The following IST1 variants were observed in gnomAD, a reference collection of about 807,000 sequenced individuals.
IST1 encodes the protein IST1 factor associated with ESCRT-III, also known as IST1 homolog.
A neutral mutation model predicts 37.0 loss-of-function variants in IST1; 23 were observed. The observed-to-expected ratio is 0.62, with a 90% CI of 0.45 to 0.88. The LOEUF (loss-of-function observed/expected upper bound fraction) is 0.88, where lower values mean the gene tolerates loss of function less well. Among genes scored for constraint, IST1 ranks in the 40% least tolerant of loss-of-function variants. IST1 has a pLI of 0.00. For synonymous variants in IST1, 180 were observed against 161.7 expected (o/e 1.11, Z -0.86); for missense variants, 488 against 445.4 (o/e 1.10, Z -0.86).
chr16:71,901,315 G>A (rs2037103271), intron 1 of IST1, among the ~76,000 whole-genome samples: 1 of 151,948 alleles, frequency 6.6e-6, no homozygotes, highest in Admixed American at 6.6e-5. Context: ...CCGGGTTCAC[G>A]CCATTCTCCT....
intron 2 of IST1, 38 bp downstream of exon 2, chr16:71,915,766 T>C: frequency 7.9e-7 from 1 of 1,259,262 alleles, no homozygotes; most frequent in Non-Finnish European, 1.2e-6. Flanking sequence ...AATAAATCAC[T>C]GGATACTAGC....
At chr16:71,911,333 T>A (rs1180001813) in intron 1 of IST1, among the ~76,000 whole-genome samples, 1 of 140,520 alleles carries the variant, frequency 7.1e-6, no homozygotes, top group African/African-American at 2.7e-5. Context: ...GCTAAAATGT[T>A]TTAGAATGCT....
chr16:71,921,105 G>C (rs910100172), intron 5 of IST1: 1 of 598,170 alleles, frequency 1.7e-6, no homozygotes, highest in Non-Finnish European at 3.0e-6. Context: ...GAATTGAACT[G>C]TGGAAGGCAG....
intron 1 of IST1, chr16:71,903,805 G>C (rs1229819372): frequency 6.6e-6 from 1 of 152,466 alleles, no homozygotes; most frequent in Non-Finnish European, 1.5e-5. Context: ...GTGTCAGTGA[G>C]ATGCCGTCAG....
In IST1 at chr16:71,920,831, C is replaced by G. The variant is rs575901500; in HGVS notation, c.441+9C>G. On this transcript the variant is annotated intron_variant, in intron 5 of 9. Coordinates refer to ENST00000378799, the MANE Select transcript of IST1 (RefSeq NM_001270975.2). ...GAACTGTGAATGACAGGGTAATGAA[C>G]ATACTTGGTAAACATGAAGGCAGTG... 4.4e-6 allele frequency: 7 copies of G among 1,594,746 alleles called. No individual in the cohort carries two copies. In the South Asian group the frequency reaches 5.5e-5, roughly 13 times the overall value.
intron 1 of IST1, among the ~76,000 whole-genome samples, chr16:71,899,222 G>T (rs775271552): frequency 6.6e-6 from 1 of 151,982 alleles, no homozygotes; most frequent in Non-Finnish European, 1.5e-5. Context: ...GACCAGTGAA[G>T]ATTTTATTAT....
chr16:71,926,350 G>GTTT (rs879484620), intron 9 of IST1, among the ~76,000 whole-genome samples: 2 of 142,402 alleles, frequency 1.4e-5, no homozygotes, highest in Non-Finnish European at 1.5e-5. Flanking sequence ...AAAACTCATA[G>GTTT]TTTTTTTTTT....
chr16:71,900,289 T>G (rs981545905), intron 1 of IST1, among the ~76,000 whole-genome samples: 2 of 151,696 alleles, frequency 1.3e-5, no homozygotes, highest in African/African-American at 4.8e-5. Context: ...CTTCGTACTT[T>G]TAGAGCTACA....
chr16:71,916,736 C>T, intron 3 of IST1, 94 bp downstream of exon 3: 2 of 1,048,956 alleles, frequency 1.9e-6, no homozygotes, highest in South Asian at 1.7e-5. Context: ...ATTTCACATG[C>T]CCAAGGATCT....
At chr16:71,895,137 G>C (rs2036935000), upstream of IST1, 2 of 292,620 alleles carry the variant, frequency 6.8e-6, no homozygotes, top group African/African-American at 2.2e-5. Context: ...GCAGATCTTA[G>C]GGAGCAACTC....
chr16:71,927,322 C>T (rs1302347535), intron 9 of IST1, among the ~76,000 whole-genome samples: 1 of 151,992 alleles, frequency 6.6e-6, no homozygotes, highest in Non-Finnish European at 1.5e-5. Flanking sequence ...AACCCTCTCT[C>T]TACTAAAAAT....
upstream of IST1, chr16:71,894,672 C>T: frequency 1.8e-6 from 1 of 568,844 alleles, no homozygotes. Flanking sequence ...ACCACAAGTG[C>T]TCACTGCTGC....
rs775660993 is a variant in IST1 at position 71,920,720 on chromosome 16, C to G, written c.358-19C>G. On this transcript the variant is annotated intron_variant, in intron 4 of 9. Coordinates refer to ENST00000378799, the MANE Select transcript of IST1 (RefSeq NM_001270975.2). The stretch of plus-strand genomic sequence containing the variant: ...TTGGAGTGGTCTCTATTTTTATTTG[C>G]TGTCCTTTTTCTTTTTAGGTTGCTG... The G allele has an allele frequency of 5.0e-6, 8 of 1,593,104 alleles. No homozygotes were observed. The Admixed American group carries it at 1.0e-4, about 20-fold the overall frequency.
At chr16:71,911,710 A>ATTTTTTTTTTTTTTTTTTTTTTTTTT (rs550809762) in intron 1 of IST1, among the ~76,000 whole-genome samples, 1 of 90,898 alleles carries the variant, frequency 1.1e-5, no homozygotes. Flanking sequence ...TTAAACTTCG[A>ATTTTTTTTTTTTTTTTTTTTTTTTTT]TTTTTTTTTT....
chr16:71,905,638 C>T (rs1007881039), intron 1 of IST1, among the ~76,000 whole-genome samples: 4 of 152,296 alleles, frequency 2.6e-5, no homozygotes, highest in Admixed American at 2.6e-4. Context: ...CCTTGGCCTT[C>T]CAAAGTGCTG....
chr16:71,905,936 T>G (rs569130945), intron 1 of IST1, among the ~76,000 whole-genome samples: 12 of 152,290 alleles, frequency 7.9e-5, no homozygotes, highest in Admixed American at 5.2e-4. Flanking sequence ...AACTCTTGCT[T>G]TATAATGTTC....
At chr16:71,907,745 C>G (rs2037258608) in intron 1 of IST1, among the ~76,000 whole-genome samples, 1 of 152,088 alleles carries the variant, frequency 6.6e-6, no homozygotes, top group African/African-American at 2.4e-5. Flanking sequence ...TTTTCTCTGT[C>G]ATTTCCCATT....
chr16:71,918,706 A>G (rs936917003), intron 4 of IST1, among the ~76,000 whole-genome samples: 7 of 152,122 alleles, frequency 4.6e-5, no homozygotes, highest in African/African-American at 1.4e-4. Flanking sequence ...GTGAGCCACC[A>G]TGTTGAGCCG....
intron 1 of IST1, among the ~76,000 whole-genome samples, chr16:71,906,450 G>C (rs1018607690): frequency 6.6e-6 from 1 of 151,800 alleles, no homozygotes; most frequent in South Asian, 2.1e-4. Flanking sequence ...TAGGATTACA[G>C]GTGCCCGCCA....
Sources: allele counts gnomAD v4.1 joint callset (sites outside exome capture counted in the v4.1 genomes callset), GRCh38; gene constraint gnomAD v4.1.1; transcripts MANE v1.5; gene names NCBI Gene and HGNC (gene_info 2026-07-23, HGNC 2026-07-21).